The following PSD3 variants were observed in gnomAD, a reference collection of about 807,000 sequenced individuals.
PSD3 encodes the protein pleckstrin and Sec7 domain containing 3, also known as PH and SEC7 domain-containing protein 3.
Under a neutral mutation model 105.5 loss-of-function variants are expected in PSD3, and 49 were observed. That is an observed-to-expected ratio of 0.46 (90% confidence interval 0.37 to 0.59). The LOEUF is 0.59. Ranked by LOEUF, PSD3 falls within the 20% of genes least tolerant of loss-of-function variation. PSD3 has a pLI of 0.00. For synonymous variants in PSD3, 557 were observed against 457.8 expected (o/e 1.22, Z -2.77); for missense variants, 1,561 against 1,263.8 (o/e 1.24, Z -3.57).
rs761756843 is a variant in PSD3 at position 18,970,980 on chromosome 8, AG to A, written c.22-34839del. ...AGTAAAAGAGCGAGACTCTGTCTCA[AG>A]AAAAAAAAAAAAAGACAAAAAATTC... On this transcript the variant is annotated intron_variant, in intron 1 of 15. Transcript: ENST00000327040. 8.3e-4 allele frequency among the ~76,000 whole-genome samples: 124 copies of A among 149,160 alleles called. 6 individuals are homozygous for A. The highest frequency in any genetic ancestry group is 3.9e-3 in the East Asian group (20 of 5,090).
chr8:19,059,813 C>G (rs1243928231), intron 1 of PSD3, among the ~76,000 whole-genome samples: 2 of 152,212 alleles, frequency 1.3e-5, no homozygotes, highest in African/African-American at 2.4e-5. Context: ...TTTTCCCAAC[C>G]TGCCAGGGTG....
chr8:18,652,463 T>C (rs1305869366), intron 10 of PSD3, among the ~76,000 whole-genome samples: 2 of 150,044 alleles, frequency 1.3e-5, no homozygotes, highest in East Asian at 3.9e-4. Context: ...TATATCCATG[T>C]ACATACACTT....
At chr8:19,074,980 C>G (rs911965325) in intron 1 of PSD3, among the ~76,000 whole-genome samples, 3 of 151,238 alleles carry the variant, frequency 2.0e-5, no homozygotes, top group Non-Finnish European at 4.4e-5. Flanking sequence ...GAGTCTTGCC[C>G]TTTTTCCCAG....
chr8:18,668,207 A>G (rs879519493), intron 9 of PSD3, among the ~76,000 whole-genome samples: 6 of 152,242 alleles, frequency 3.9e-5, no homozygotes, highest in African/African-American at 1.4e-4. Flanking sequence ...GCGGAGAGTG[A>G]GCAAGGGCTG....
intron 14 of PSD3, among the ~76,000 whole-genome samples, chr8:18,562,796 G>C (rs1344776361): frequency 1.3e-5 from 2 of 152,254 alleles, no homozygotes; most frequent in South Asian, 4.1e-4. Flanking sequence ...GGCCGAGGCA[G>C]GGGAATTGCT....
intron 9 of PSD3, among the ~76,000 whole-genome samples, chr8:18,700,707 C>CT (rs113197065): frequency 3.3e-5 from 5 of 151,974 alleles, no homozygotes; most frequent in African/African-American, 7.2e-5. Flanking sequence ...CTGCAACTTC[C>CT]TTTTTTTTCA....
intron 4 of PSD3, among the ~76,000 whole-genome samples, chr8:18,827,847 A>T (rs1813326415): frequency 6.6e-6 from 1 of 151,568 alleles, no homozygotes; most frequent in East Asian, 1.9e-4. Context: ...TCTGACTTGA[A>T]CACCTTGGTG....
chr8:18,976,972 A>G lies in PSD3; in HGVS notation c.21+36591T>C, dbSNP rs1439155297. ...GAAAGATTTTTTAAAAAATAGAGAA[A>G]GACTATTGTTTGACTTTGTTTTTAA... On this transcript the variant is annotated intron_variant, in intron 1 of 15. Coordinates refer to ENST00000327040, the MANE Select transcript of PSD3 (RefSeq NM_015310.4). 3.3e-5 allele frequency among the ~76,000 whole-genome samples: 5 copies of G among 152,200 alleles called. No homozygotes were observed. In the South Asian group the frequency reaches 1.0e-3, roughly 32 times the overall value.
At chr8:18,684,492 A>T (rs1435645084) in intron 9 of PSD3, among the ~76,000 whole-genome samples, 1 of 152,198 alleles carries the variant, frequency 6.6e-6, no homozygotes, top group Non-Finnish European at 1.5e-5. Context: ...AAAAGGCTCA[A>T]TTAATTACAG....
chr8:18,927,274 C>T (rs1412484300), intron 2 of PSD3, among the ~76,000 whole-genome samples: 4 of 152,050 alleles, frequency 2.6e-5, no homozygotes, highest in African/African-American at 9.7e-5. Flanking sequence ...GGTGCAAGGG[C>T]GCAACCTTGG....
chr8:18,944,387 T>A (rs572720511), intron 1 of PSD3, among the ~76,000 whole-genome samples: 1 of 152,192 alleles, frequency 6.6e-6, no homozygotes, highest in Non-Finnish European at 1.5e-5. Context: ...CTGGCCAACA[T>A]GGTGAAACCC....
intron 14 of PSD3, among the ~76,000 whole-genome samples, chr8:18,558,180 G>A (rs186020053): frequency 6.6e-6 from 1 of 152,258 alleles, no homozygotes; most frequent in East Asian, 1.9e-4. Context: ...GTTTTGTTAT[G>A]GCAGCCTGAG....
At chr8:19,012,670 C>A (rs947703212) in intron 1 of PSD3, among the ~76,000 whole-genome samples, 1 of 152,222 alleles carries the variant, frequency 6.6e-6, no homozygotes, top group Non-Finnish European at 1.5e-5. Flanking sequence ...ATCCTACTTA[C>A]CTAGCTACCG....
At chr8:18,785,108 T>C (rs577571038) in intron 8 of PSD3, among the ~76,000 whole-genome samples, 2 of 152,224 alleles carry the variant, frequency 1.3e-5, no homozygotes, top group Non-Finnish European at 2.9e-5. Flanking sequence ...GAACCCTGTG[T>C]CAGAACTGCT....
Position 18,535,408 on chromosome 8 carries a change from AAC to A in PSD3, c.*333_*334del. On this transcript the variant is annotated 3_prime_UTR_variant, in exon 16 of 16. Coordinates refer to ENST00000327040, the MANE Select transcript of PSD3 (RefSeq NM_015310.4). ...ATTCTTTAACCTTAAAAAAAAGTTT[AAC>A]AGTTGATATGAGAATACATAAAACA... 1 of 243,700 alleles carries A rather than the reference AAC, an allele frequency of 4.1e-6. No homozygotes were observed. The highest frequency in any genetic ancestry group is 8.9e-5 in the East Asian group (1 of 11,238). 15.1% of individuals were successfully genotyped at this position (243,700 alleles called of 1,614,324 possible).
intron 1 of PSD3, among the ~76,000 whole-genome samples, chr8:18,957,862 C>G (rs1402173661): frequency 2.0e-5 from 3 of 152,188 alleles, no homozygotes; most frequent in African/African-American, 7.2e-5. Context: ...TTCAAATGAC[C>G]TGGGCTGTGG....
At chr8:19,079,081 C>T (rs1829557956) in intron 1 of PSD3, among the ~76,000 whole-genome samples, 1 of 151,958 alleles carries the variant, frequency 6.6e-6, no homozygotes, top group African/African-American at 2.4e-5. Context: ...AGGAGGATTG[C>T]ACCTATACAA....
At chr8:18,907,387 T>C (rs1819914529) in intron 2 of PSD3, among the ~76,000 whole-genome samples, 1 of 152,198 alleles carries the variant, frequency 6.6e-6, no homozygotes, top group African/African-American at 2.4e-5. Context: ...TTGCCCAGGC[T>C]GGTCTTTGAA....
intron 15 of PSD3, among the ~76,000 whole-genome samples, chr8:18,546,064 G>T (rs569933462): frequency 7.9e-5 from 12 of 152,220 alleles, no homozygotes; most frequent in African/African-American, 2.6e-4. Flanking sequence ...GCAATGGTGC[G>T]ATCTTGGCTC....
Sources: allele counts gnomAD v4.1 joint callset (sites outside exome capture counted in the v4.1 genomes callset), GRCh38; gene constraint gnomAD v4.1.1; transcripts MANE v1.5; gene names NCBI Gene and HGNC (gene_info 2026-07-23, HGNC 2026-07-21).